PCAT7: variants seen among roughly 807,000 people sequenced by gnomAD.
PCAT7 encodes the protein prostate cancer associated transcript 7 (non-protein coding).
intron 2 of PCAT7, chr9:94,567,315 A>G (rs546385370): frequency 6.2e-7 from 1 of 1,614,234 alleles, no homozygotes; most frequent in Admixed American, 1.7e-5. Flanking sequence ...TGGCCGCATC[A>G]AAATACTTGG....
At chr9:94,554,980 C>T (rs1420862615), upstream of PCAT7, 1 of 152,192 alleles carries the variant, frequency 6.6e-6, no homozygotes, top group Non-Finnish European at 1.5e-5. Context: ...ACCTCTAGGC[C>T]TACTCTGATT....
chr9:94,565,657 G>T lies in PCAT7; in HGVS notation n.441+6505G>T, dbSNP rs1827175436. On this transcript the variant is annotated intron_variant and non_coding_transcript_variant, in intron 2 of 8. Transcript: ENST00000647389. ...GAAGGACTTGACATAACAGAGACAG[G>T]TGTTTCTACTCTAACTTACCTTTGC... Among the ~76,000 whole-genome samples, 4 of 149,254 alleles carry T rather than the reference G, an allele frequency of 2.7e-5. No individual in the cohort carries two copies. The Admixed American group carries it at 2.7e-4, about 10-fold the overall frequency.
chr9:94,558,860 C>A (rs1827048536), intron 1 of PCAT7: 2 of 1,331,242 alleles, frequency 1.5e-6, no homozygotes, highest in Admixed American at 3.6e-5. Flanking sequence ...TCATAGCTAC[C>A]ATCTCTGTTT....
At chr9:94,571,386 A>T in intron 2 of PCAT7, 1 of 1,399,582 alleles carries the variant, frequency 7.1e-7, no homozygotes, top group Non-Finnish European at 9.6e-7. Context: ...CCAGGACATT[A>T]TCGCAGAGAA....
In PCAT7 at chr9:94,571,469, A is replaced by G. The variant is rs200434975; in HGVS notation, n.442-1510A>G. 51 of 1,611,866 alleles carry G rather than the reference A, an allele frequency of 3.2e-5. No homozygotes were observed. In the African/African-American group the frequency reaches 6.3e-4, roughly 20 times the overall value. ...GCCATATTCTGTACCTACCGGGTCA[A>G]GCATGAAGAGGTCCACGCCTTGCCC... On this transcript the variant is annotated intron_variant and non_coding_transcript_variant, in intron 2 of 8. Coordinates refer to ENST00000647389, the Ensembl canonical transcript of PCAT7.
At chr9:94,567,139 C>T in intron 2 of PCAT7, 1 of 832,024 alleles carries the variant, frequency 1.2e-6, no homozygotes, top group Non-Finnish European at 1.9e-6. Flanking sequence ...CAGAGTCCAT[C>T]ATCTTCATAC....
intron 2 of PCAT7, chr9:94,567,415 C>G (rs2131446718): frequency 6.2e-7 from 1 of 1,613,316 alleles, no homozygotes; most frequent in South Asian, 1.1e-5. Flanking sequence ...AGCCTAGCAA[C>G]ATGAAGAGAG....
At chr9:94,569,569 A>C (rs1033229955) in intron 2 of PCAT7, 1 of 152,200 alleles carries the variant, frequency 6.6e-6, no homozygotes, top group African/African-American at 2.4e-5. Context: ...CCCTGGGAAT[A>C]TTGTTTCCAC....
rs550624291 is a variant in PCAT7 at position 94,570,518 on chromosome 9, C to T, written n.442-2461C>T. 3.0e-4 allele frequency: 46 copies of T among 151,790 alleles called. No homozygotes were observed. In the South Asian group the frequency reaches 7.1e-3, roughly 23 times the overall value. The allele number at this position is 151,790 out of a possible 1,614,324, so 9.4% of individuals were successfully genotyped here. On this transcript the variant is annotated intron_variant and non_coding_transcript_variant, in intron 2 of 8. Transcript: ENST00000647389. ...AGGTACTTTACATTCCTACCACTTA[C>T]GAAGAATTATCTAACTCTTAGCTGT...
intron 2 of PCAT7, chr9:94,568,987 T>A (rs1827234298): frequency 6.6e-6 from 1 of 152,302 alleles, no homozygotes; most frequent in African/African-American, 2.4e-5. Flanking sequence ...CAGTGCCTGC[T>A]AAATCTAACT....
intron 2 of PCAT7, among the ~76,000 whole-genome samples, chr9:94,566,187 T>C (rs1012956613): frequency 6.6e-6 from 1 of 152,240 alleles, no homozygotes; most frequent in Non-Finnish European, 1.5e-5. Flanking sequence ...TAAAGGGCAC[T>C]GTTGGGAACA....
intron 1 of PCAT7, among the ~76,000 whole-genome samples, chr9:94,556,786 C>A (rs1311007729): frequency 1.3e-5 from 2 of 152,092 alleles, no homozygotes; most frequent in African/African-American, 4.8e-5. Flanking sequence ...GCATTTTATC[C>A]TATGTTTTCT....
intron 2 of PCAT7, chr9:94,571,376 C>T: frequency 7.4e-7 from 1 of 1,347,796 alleles, no homozygotes. Flanking sequence ...TTAGGAATAA[C>T]CAGGACATTA....
At chr9:94,556,577 G>C (rs1827015039) in intron 1 of PCAT7, among the ~76,000 whole-genome samples, 1 of 152,174 alleles carries the variant, frequency 6.6e-6, no homozygotes, top group African/African-American at 2.4e-5. Flanking sequence ...GAATTCTTTA[G>C]ATGTTTTGTG....
intron 2 of PCAT7, chr9:94,567,137 A>C: frequency 1.2e-6 from 1 of 807,960 alleles, no homozygotes; most frequent in Non-Finnish European, 2.0e-6. Context: ...GGCAGAGTCC[A>C]TCATCTTCAT....
exon 1 of PCAT7, chr9:94,555,065 CG>C (rs1374544879): frequency 6.6e-6 from 1 of 152,152 alleles, no homozygotes; most frequent in Non-Finnish European, 1.5e-5. Context: ...GTCTAGGAAC[CG>C]GCATGCGCAT....
At chr9:94,560,122 C>T (rs1179838561) in intron 2 of PCAT7, among the ~76,000 whole-genome samples, 3 of 152,132 alleles carry the variant, frequency 2.0e-5, no homozygotes, top group Non-Finnish European at 2.9e-5. Flanking sequence ...AAGAGCCTGT[C>T]TCAAAAACGA....
At chr9:94,557,480 A>T (rs566621617) in intron 1 of PCAT7, among the ~76,000 whole-genome samples, 1 of 152,190 alleles carries the variant, frequency 6.6e-6, no homozygotes, top group South Asian at 2.1e-4. Flanking sequence ...TGGTTGTGTA[A>T]TAAGATTTTG....
chr9:94,559,492 C>G (rs371465632), intron 2 of PCAT7, among the ~76,000 whole-genome samples: 3 of 151,146 alleles, frequency 2.0e-5, no homozygotes, highest in Non-Finnish European at 2.9e-5. Context: ...TTGGTGGAAG[C>G]CTTTATATGT....
Sources: allele counts gnomAD v4.1 joint callset (sites outside exome capture counted in the v4.1 genomes callset), GRCh38; gene constraint gnomAD v4.1.1; transcripts MANE v1.5; gene names NCBI Gene and HGNC (gene_info 2026-07-23, HGNC 2026-07-21).